The following VSIR variants were observed in gnomAD, a reference collection of about 807,000 sequenced individuals.
VSIR encodes the protein V-set immunoregulatory receptor, also known as V-type immunoglobulin domain-containing suppressor of T-cell activation.
A neutral mutation model predicts 31.0 loss-of-function variants in VSIR; 10 were observed. That is an observed-to-expected ratio of 0.32 (90% CI 0.20 to 0.55). VSIR has a LOEUF of 0.55. Ranked by LOEUF, VSIR falls within the 20% of genes least tolerant of loss-of-function variation. The probability of loss-of-function intolerance (pLI) is 0.93; values close to 1 mark genes in which losing one functional copy is unlikely to be tolerated. For missense variants in VSIR, 356 were observed against 416.2 expected, an observed-to-expected ratio of 0.86 and a Z score of 1.26; for synonymous variants, 179 against 180.1, an observed-to-expected ratio of 0.99 and a Z score of 0.05.
chr10:71,752,948 T>C (rs772716819), intron 5 of VSIR, 27 bp downstream of exon 5: 2 of 1,611,408 alleles, frequency 1.2e-6, no homozygotes, highest in Non-Finnish European at 1.7e-6. Flanking sequence ...CAGGAAGTTT[T>C]CTCAAGAAGG....
intron 5 of VSIR, chr10:71,752,077 C>A: frequency 1.4e-6 from 1 of 697,178 alleles, no homozygotes; most frequent in Non-Finnish European, 2.6e-6. Context: ...CATCAGGGCC[C>A]ACCAGAACAG....
At chr10:71,756,402 A>T (rs190528070) in intron 3 of VSIR, among the ~76,000 whole-genome samples, 2 of 152,348 alleles carry the variant, frequency 1.3e-5, no homozygotes, top group Non-Finnish European at 2.9e-5. Context: ...TTATTGAAGC[A>T]GTCCCCTGTT....
intron 1 of VSIR, among the ~76,000 whole-genome samples, chr10:71,771,943 G>A (rs1168193111): frequency 6.6e-6 from 1 of 152,246 alleles, no homozygotes; most frequent in Non-Finnish European, 1.5e-5. Context: ...GGGTCTCACA[G>A]GGCCACCAGG....
intron 1 of VSIR, among the ~76,000 whole-genome samples, chr10:71,762,259 C>T (rs1429387661): frequency 6.6e-6 from 1 of 152,220 alleles, no homozygotes; most frequent in Non-Finnish European, 1.5e-5. Context: ...GGATGCTGGA[C>T]AGGGCAGGGA....
At chr10:71,754,944 C>T (rs1840095057) in intron 4 of VSIR, 1 of 393,714 alleles carries the variant, frequency 2.5e-6, no homozygotes. Flanking sequence ...AGACCCCTTC[C>T]ACTTCTGATA....
intron 3 of VSIR, 37 bp from the exon 4 acceptor site, chr10:71,755,503 T>C: frequency 6.4e-7 from 1 of 1,555,884 alleles, no homozygotes; most frequent in Non-Finnish European, 8.8e-7. Context: ...TGAAGCCCCA[T>C]TCCCATTGCT....
At chr10:71,772,585 T>C (rs1455705086) in intron 1 of VSIR, among the ~76,000 whole-genome samples, 1 of 152,198 alleles carries the variant, frequency 6.6e-6, no homozygotes, top group Admixed American at 6.5e-5. Flanking sequence ...GGGAAAATGG[T>C]GCTTCCCTGT....
intron 3 of VSIR, among the ~76,000 whole-genome samples, chr10:71,759,952 T>C (rs1331005523): frequency 9.4e-6 from 1 of 106,306 alleles, no homozygotes; most frequent in African/African-American, 3.1e-5. Flanking sequence ...CACACATATA[T>C]ATACACACAC....
Position 71,773,366 on chromosome 10 carries a change from G to A in VSIR, c.74C>T (p.Ala25Val). The A allele has an allele frequency of 1.2e-6, 2 of 1,607,822 alleles. No homozygotes were observed. Among genetic ancestry groups the A allele is most frequent in the African/African-American group, 2.7e-5 (2 of 74,660 alleles). Residue 25 changes from alanine to valine, a missense_variant, in exon 1 of 7, where the codon GCG becomes GTG. By Grantham distance (64) the Ala-to-Val change is moderately conservative. This residue lies in a region of VSIR where 166 missense variants were observed against 231.0 expected (regional missense o/e 0.72). Transcript: ENST00000394957. ...GSLLFALFLA[A>V]SLGPVAAFKV... ...GCCTCCCCCGACCTTACCTAGGGACGCAGCCAGGAAGAGAGCGAAGAGCAG... is the reference window on the plus strand; with the variant it reads ...GCCTCCCCCGACCTTACCTAGGGACACAGCCAGGAAGAGAGCGAAGAGCAG...
In VSIR at chr10:71,750,949, G is replaced by T; in HGVS notation, c.*304C>A. ...GTCTCAGAACGAGAGCTGCTGAAGG[G>T]CTGGACGTTCTGAGACTTCTTAAGA... On this transcript the variant is annotated 3_prime_UTR_variant, in exon 7 of 7. Coordinates refer to ENST00000394957, the MANE Select transcript of VSIR (RefSeq NM_022153.2). 2.9e-6 allele frequency: 1 copy of T among 346,620 alleles called. No individual in the cohort carries two copies. The allele number at this position is 346,620 out of a possible 1,614,324, so 21.5% of individuals were successfully genotyped here.
intron 3 of VSIR, chr10:71,760,603 G>T: frequency 2.3e-6 from 1 of 435,308 alleles, no homozygotes; most frequent in Non-Finnish European, 4.2e-6. Context: ...TGAGGCACTT[G>T]CCCTGGCCAA....
In VSIR at chr10:71,759,952, T is replaced by TACAC. The variant is rs1467012722; in HGVS notation, c.568+915_568+916insGTGT. Among the ~76,000 whole-genome samples the TACAC allele has an allele frequency of 1.7e-3, 182 of 106,206 alleles. 5 individuals are homozygous for TACAC. The highest frequency in any genetic ancestry group is 2.0e-3 in the Non-Finnish European group (90 of 45,870). The allele number at this position is 106,206 out of a possible 152,430, so 69.7% of individuals were successfully genotyped here. A position where few individuals can be genotyped will look rare whatever the true frequency, so the allele number is the denominator to read the frequency against. ...ACACATATATACACACACACATATATATACACACACATATATATACACACA... is the reference window on the plus strand; with the variant it reads ...ACACATATATACACACACACATATATACACATACACACACATATATATACACACA... On this transcript the variant is annotated intron_variant, in intron 3 of 6. Transcript: ENST00000394957.
chr10:71,762,186 C>T (rs1013953773), intron 1 of VSIR, among the ~76,000 whole-genome samples, 160 bp from the exon 2 acceptor site: 2 of 152,222 alleles, frequency 1.3e-5, no homozygotes, highest in Non-Finnish European at 2.9e-5. Context: ...GTTCACAAAC[C>T]CCACTCCATC....
Position 71,752,964 on chromosome 10 carries a change from A to G in VSIR, c.704+11T>C, listed in dbSNP as rs1840043109. 2.5e-6 allele frequency: 4 copies of G among 1,612,582 alleles called. No homozygotes were observed. The highest frequency in any genetic ancestry group is 1.3e-5 in the African/African-American group (1 of 74,920). On this transcript the variant is annotated intron_variant, in intron 5 of 6. Transcript: ENST00000394957. ...AGGAAGTTTTCTCAAGAAGGTCTCC[A>G]TGGGCCTTACCTGTCCATCCGCACC...
rs1564773159 is a variant in VSIR at position 71,748,881 on chromosome 10, C to T, written c.*2372G>A. ...GTGCGTTGTAGGCAGGGCCTGTGGC[C>T]ATGGATGAAGATGGAACTGGGAGCT... On this transcript the variant is annotated 3_prime_UTR_variant, in exon 7 of 7. Coordinates refer to ENST00000394957, the MANE Select transcript of VSIR (RefSeq NM_022153.2). 6.5e-6 allele frequency: 1 copy of T among 152,802 alleles called. No homozygotes were observed. Among genetic ancestry groups the T allele is most frequent in the Non-Finnish European group, 1.5e-5 (1 of 68,158 alleles). The allele number at this position is 152,802 out of a possible 1,614,324, so 9.5% of individuals were successfully genotyped here. A position where few individuals can be genotyped will look rare whatever the true frequency, so the allele number is the denominator to read the frequency against.
Position 71,761,580 on chromosome 10 carries a change from C to T in VSIR, c.511+18G>A, listed in dbSNP as rs546854374. 81 of 1,553,186 alleles carry T rather than the reference C, an allele frequency of 5.2e-5. No individual in the cohort carries two copies. In the East Asian group the frequency reaches 1.3e-3, roughly 24 times the overall value. ...GCCCTCCACACACGCCAGGCTGTCA[C>T]GTGCAGGATGCCCTCACCTGTCTGC... On this transcript the variant is annotated intron_variant, in intron 2 of 6. Transcript: ENST00000394957.
intron 2 of VSIR, among the ~76,000 whole-genome samples, chr10:71,761,150 T>C (rs1401275942): frequency 6.6e-6 from 1 of 152,110 alleles, no homozygotes; most frequent in Non-Finnish European, 1.5e-5. Context: ...TACCCGCTGG[T>C]GCCCACACCT....
chr10:71,768,324 C>T (rs1300346008), intron 1 of VSIR, among the ~76,000 whole-genome samples: 3 of 152,164 alleles, frequency 2.0e-5, no homozygotes, highest in Non-Finnish European at 1.5e-5. Flanking sequence ...GCACCCGCCA[C>T]CACGCCTGGC....
At chr10:71,760,747 G>A (rs1246876067) in intron 3 of VSIR, 121 bp downstream of exon 3, 2 of 867,882 alleles carry the variant, frequency 2.3e-6, no homozygotes, top group Non-Finnish European at 1.9e-6. Flanking sequence ...AGAAAAGGAG[G>A]AGGACCGGGG....
Sources: gnomAD v4.1 joint callset for allele counts (sites outside exome capture counted in the v4.1 genomes callset) on GRCh38, gnomAD v4.1.1 for gene constraint, gnomAD v4.1.1 regional missense constraint, MANE v1.5 for transcripts, NCBI Gene and HGNC (gene_info 2026-07-23, HGNC 2026-07-21) for gene names.